The following HTT variants were observed in gnomAD, a reference collection of about 807,000 sequenced individuals.
HTT encodes huntington disease protein.
In HTT, 104 loss-of-function variants were observed where a neutral mutation model predicts 362.3. That is an observed-to-expected ratio of 0.29 (90% CI 0.24 to 0.34). HTT has a LOEUF of 0.34. Among genes scored for constraint, HTT ranks in the 10% least tolerant of loss-of-function variants. The pLI is 1.00. For missense variants in HTT, 3,301 were observed against 3,928.6 expected, an observed-to-expected ratio of 0.84 and a Z score of 4.27; for synonymous variants, 1,577 against 1,548.7, an observed-to-expected ratio of 1.02 and a Z score of -0.43.
chr4:3,212,669 A>C lies in HTT; in HGVS notation c.6734A>C (p.Lys2245Thr). The change falls in exon 49 of 67, where the codon AAA becomes ACA. Residue 2245 changes from lysine (K) to threonine (T), a missense_variant. Lys to Thr is a moderately conservative substitution (Grantham distance 78, BLOSUM62 -1). This residue lies in a region of HTT where 220 missense variants were observed against 218.5 expected (regional missense o/e 1.01). Transcript: ENST00000355072. Reference protein sequence around the residue: ...LPSHLHLPPEKEKDIVKFVVA... With the variant: ...LPSHLHLPPETEKDIVKFVVA... ...AGTCATTTGCACCTTCCTCCTGAGAAAGAGAAGGACATTGTGAAATTCGTG... is the reference window on the plus strand; with the variant it reads ...AGTCATTTGCACCTTCCTCCTGAGACAGAGAAGGACATTGTGAAATTCGTG... 6.2e-7 allele frequency: 1 copy of C among 1,614,208 alleles called. No individual in the cohort carries two copies. The highest frequency in any genetic ancestry group is 8.5e-7 in the Non-Finnish European group (1 of 1,180,032).
intron 31 of HTT, among the ~76,000 whole-genome samples, 184 bp from the exon 32 acceptor site, chr4:3,174,537 T>C (rs1341872503): frequency 6.6e-6 from 1 of 152,250 alleles, no homozygotes; most frequent in Admixed American, 6.5e-5. Context: ...AAACTCTAAA[T>C]AGAGTGTCAT....
intron 57 of HTT, among the ~76,000 whole-genome samples, chr4:3,227,901 G>A (rs541515006): frequency 1.4e-4 from 21 of 152,326 alleles, no homozygotes; most frequent in African/African-American, 4.8e-4. Context: ...GGAAAGAGGG[G>A]TGGGGGTTAG....
chr4:3,158,089 A>G (rs1005941152), intron 28 of HTT, among the ~76,000 whole-genome samples: 2 of 144,110 alleles, frequency 1.4e-5, no homozygotes, highest in Non-Finnish European at 3.0e-5. Context: ...GGCTCAAGTG[A>G]TCCTCCCACC....
At chr4:3,081,330 A>G (rs1196491186) in intron 1 of HTT, among the ~76,000 whole-genome samples, 1 of 152,192 alleles carries the variant, frequency 6.6e-6, no homozygotes, top group Non-Finnish European at 1.5e-5. Flanking sequence ...GCCATAAGCA[A>G]TATGTATGAG....
chr4:3,143,378 A>G (rs1343977401), intron 23 of HTT, among the ~76,000 whole-genome samples: 1 of 143,584 alleles, frequency 7.0e-6, no homozygotes, highest in Admixed American at 7.2e-5. Flanking sequence ...TAGAGGTTGC[A>G]GTGAGCTGAG....
chr4:3,144,256 T>C (rs1256431315), intron 23 of HTT, among the ~76,000 whole-genome samples: 1 of 152,222 alleles, frequency 6.6e-6, no homozygotes. Flanking sequence ...AGTATAACTT[T>C]TGTTATCAGA....
intron 33 of HTT, among the ~76,000 whole-genome samples, chr4:3,176,961 C>T (rs1468144869): frequency 6.6e-6 from 1 of 152,142 alleles, no homozygotes; most frequent in Admixed American, 6.5e-5. Flanking sequence ...GGTTGGGGGA[C>T]GAAGGTCGAC....
intron 11 of HTT, among the ~76,000 whole-genome samples, chr4:3,126,599 C>A (rs959736946): frequency 6.6e-6 from 1 of 151,894 alleles, no homozygotes; most frequent in Non-Finnish European, 1.5e-5. Flanking sequence ...AATTAAACAA[C>A]AATAAAACAT....
At chr4:3,125,706 C>A in intron 11 of HTT, 77 bp downstream of exon 11, 1 of 1,071,724 alleles carries the variant, frequency 9.3e-7, no homozygotes, top group Non-Finnish European at 1.5e-6. Flanking sequence ...GCTCGTCCCC[C>A]TGCACCTGGT....
chr4:3,238,358 TC>T (rs1283589292), intron 64 of HTT, 88 bp from the exon 65 acceptor site: 2 of 935,282 alleles, frequency 2.1e-6, no homozygotes, highest in East Asian at 5.8e-5. Flanking sequence ...ATCGGCATTT[TC>T]CCCAGTATTA....
At chr4:3,217,058 G>C (rs1203900701) in intron 51 of HTT, among the ~76,000 whole-genome samples, 1 of 152,082 alleles carries the variant, frequency 6.6e-6, no homozygotes, top group African/African-American at 2.4e-5. Context: ...AAGCCAACTC[G>C]TTAGCGTGGG....
At chr4:3,095,039 C>T (rs574984731) in intron 2 of HTT, among the ~76,000 whole-genome samples, 31 of 151,780 alleles carry the variant, frequency 2.0e-4, no homozygotes, top group South Asian at 4.2e-4. Context: ...CCTCACTTCC[C>T]AGACTGGGCA....
chr4:3,089,895 T>C (rs776832525), intron 2 of HTT, among the ~76,000 whole-genome samples: 10 of 152,184 alleles, frequency 6.6e-5, no homozygotes, highest in Non-Finnish European at 1.2e-4. Context: ...TTTTATGGAG[T>C]AATGCTGAGA....
Position 3,187,831 on chromosome 4 carries a change from G to A in HTT, c.5170G>A (p.Glu1724Lys). ...LRDGDSTSTL[E>K]EHSEGKQIKN... is the part of the protein sequence containing the mutation. ...AGATGGGGACAGTACTTCAACGCTA[G>A]AAGAACACAGTGAAGGGAAACAAAT... The change falls in exon 39 of 67, where the codon GAA becomes AAA. Residue 1724 changes from glutamate (E) to lysine (K), a missense_variant. Glu to Lys is a moderately conservative substitution (Grantham distance 56). Around this residue, in one of 4 missense-constraint regions of HTT, gnomAD observed 2,316 missense variants for 2,658.5 expected, o/e 0.87. Transcript: ENST00000355072. 6.2e-7 allele frequency: 1 copy of A among 1,613,456 alleles called. No individual in the cohort carries two copies. The highest frequency in any genetic ancestry group is 8.5e-7 in the Non-Finnish European group (1 of 1,179,424).
chr4:3,232,139 G>T (rs1240412678), intron 60 of HTT, among the ~76,000 whole-genome samples: 1 of 152,180 alleles, frequency 6.6e-6, no homozygotes, highest in Non-Finnish European at 1.5e-5. Flanking sequence ...GGGAGGGGCC[G>T]TGTGGCGTTG....
At position 3,236,188 on chromosome 4, in the gene HTT, A is replaced by G; in HGVS notation, c.8825A>G (p.Asn2942Ser). The G allele has an allele frequency of 6.2e-7, 1 of 1,614,168 alleles. No homozygotes were observed. Among genetic ancestry groups the G allele is most frequent in the Non-Finnish European group, 8.5e-7 (1 of 1,179,990 alleles). The change falls in exon 64 of 67, where the codon AAT becomes AGT. Residue 2942 changes from asparagine (N) to serine (S), a missense_variant. Physicochemically the swap from Asn to Ser is conservative, Grantham distance 46 (BLOSUM62 1). Around this residue, in one of 4 missense-constraint regions of HTT, gnomAD observed 753 missense variants for 1,021.3 expected, o/e 0.74. Transcript: ENST00000355072. ...KVSPGRTSDP[N>S]PAAPDSESVI... ...AGTCCGGGTAGAACTTCAGACCCTA[A>G]TCCTGCAGCCCCCGACAGCGAGTCA...
At chr4:3,111,480 C>A (rs2110167741) in intron 6 of HTT, among the ~76,000 whole-genome samples, 1 of 152,272 alleles carries the variant, frequency 6.6e-6, no homozygotes, top group East Asian at 1.9e-4. Context: ...AGGCGTGAGC[C>A]CATCATTAGA....
At chr4:3,223,589 G>A (rs774759972) in intron 55 of HTT, 29 bp downstream of exon 55, 32 of 1,576,018 alleles carry the variant, frequency 2.0e-5, no homozygotes, top group Non-Finnish European at 2.7e-5. Context: ...GTGTCTCTGG[G>A]ACATAGCAGG....
At position 3,217,754 on chromosome 4, in the gene HTT, T is replaced by G. The variant is rs753992711; in HGVS notation, c.7055-11T>G. The G allele has an allele frequency of 1.2e-6, 2 of 1,606,020 alleles. No individual in the cohort carries two copies. The highest frequency in any genetic ancestry group is 1.7e-6 in the Non-Finnish European group (2 of 1,174,814). ...TTTTAAAAAGTCCTCTCTTAACCGT[T>G]GCTTGTTTAGATCCTAAGTATATCA... On this transcript the variant is annotated splice_polypyrimidine_tract_variant and intron_variant, in intron 51 of 66. Coordinates refer to ENST00000355072, the MANE Select transcript of HTT (RefSeq NM_001388492.1).
Sources: allele counts gnomAD v4.1 joint callset (sites outside exome capture counted in the v4.1 genomes callset), GRCh38; gene constraint gnomAD v4.1.1; regional missense constraint gnomAD v4.1.1; transcripts MANE v1.5; gene names NCBI Gene and HGNC (gene_info 2026-07-23, HGNC 2026-07-21).